Variants in GRM7 observed in about 807,000 individuals in gnomAD.
GRM7 encodes the protein metabotropic glutamate receptor 7.
In GRM7, 35 loss-of-function variants were observed where a neutral mutation model predicts 84.5. That is an observed-to-expected ratio of 0.41 (90% CI 0.32 to 0.55). GRM7 has a LOEUF of 0.55. Among genes scored for constraint, GRM7 ranks in the 20% least tolerant of loss-of-function variants. The pLI, the probability that GRM7 is intolerant of heterozygous loss-of-function variation, is 0.19. For synonymous variants in GRM7, 487 were observed against 455.1 expected, an observed-to-expected ratio of 1.07 and a Z score of -0.89; for missense variants, 1,003 against 1,194.6, an observed-to-expected ratio of 0.84 and a Z score of 2.36.
At chr3:7,352,057 C>CCACACACACACACACACACACA (rs56873432) in intron 4 of GRM7, among the ~76,000 whole-genome samples, 2 of 136,894 alleles carry the variant, frequency 1.5e-5, no homozygotes, top group Non-Finnish European at 3.1e-5. Context: ...CACACACACA[C>CCACACACACACACACACACACA]CACACACACA....
rs115113884 is a variant in GRM7 at position 7,229,459 on chromosome 3, C to G, written c.737-69225C>G. Among the ~76,000 whole-genome samples, 1,395 of 151,780 alleles carry G rather than the reference C, an allele frequency of 9.2e-3. 14 individuals are homozygous for G. Among genetic ancestry groups the G allele is most frequent in the African/African-American group, 0.032 (1,339 of 41,396 alleles). On this transcript the variant is annotated intron_variant, in intron 2 of 9. Transcript: ENST00000357716. ...ACCTAGAAGTAGCAGAAGGGGACCT[C>G]AAACCCAAGAACCCAAGCGCTTTAT...
At chr3:7,729,478 C>G (rs904973268) in intron 9 of GRM7, among the ~76,000 whole-genome samples, 1 of 152,172 alleles carries the variant, frequency 6.6e-6, no homozygotes, top group African/African-American at 2.4e-5. Context: ...ACGCTTTTTA[C>G]AGGCATTTGT....
chr3:7,169,755 T>C (rs1694922042), intron 2 of GRM7, among the ~76,000 whole-genome samples: 1 of 152,120 alleles, frequency 6.6e-6, no homozygotes, highest in South Asian at 2.1e-4. Context: ...TTTTGATAAA[T>C]AGGAGATAAA....
At chr3:7,605,421 GAAT>G (rs1365431121) in intron 8 of GRM7, among the ~76,000 whole-genome samples, 1 of 152,072 alleles carries the variant, frequency 6.6e-6, no homozygotes, top group Non-Finnish European at 1.5e-5. Flanking sequence ...ATGTCTTTTA[GAAT>G]AATGATTAAG....
chr3:7,586,850 T>C (rs1461845650), intron 8 of GRM7, among the ~76,000 whole-genome samples: 3 of 152,208 alleles, frequency 2.0e-5, no homozygotes, highest in Admixed American at 2.0e-4. Context: ...GCAGCATGGA[T>C]AAATCTCAAA....
chr3:7,055,559 C>T (rs970928319), intron 1 of GRM7, among the ~76,000 whole-genome samples: 6 of 151,074 alleles, frequency 4.0e-5, no homozygotes, highest in African/African-American at 1.2e-4. Flanking sequence ...CTCACTCTGT[C>T]ACCCAGGCTG....
chr3:6,905,689 A>T (rs1023767963), intron 1 of GRM7, among the ~76,000 whole-genome samples: 11 of 152,178 alleles, frequency 7.2e-5, no homozygotes, highest in African/African-American at 2.2e-4. Flanking sequence ...TAAGATTTTT[A>T]AAAATATTAG....
At chr3:7,396,679 G>C (rs1249494074) in intron 4 of GRM7, among the ~76,000 whole-genome samples, 1 of 152,006 alleles carries the variant, frequency 6.6e-6, no homozygotes, top group African/African-American at 2.4e-5. Context: ...TGGGTAGCTG[G>C]GAGTATAAAA....
intron 4 of GRM7, among the ~76,000 whole-genome samples, chr3:7,313,347 A>G (rs1013970981): frequency 2.6e-5 from 4 of 152,176 alleles, no homozygotes; most frequent in Non-Finnish European, 5.9e-5. Flanking sequence ...TAGAAAAAGC[A>G]AAAAGCCTAG....
chr3:6,924,985 G>A (rs1414858916), intron 1 of GRM7, among the ~76,000 whole-genome samples: 1 of 152,132 alleles, frequency 6.6e-6, no homozygotes, highest in Non-Finnish European at 1.5e-5. Context: ...AGTTACATAC[G>A]AAGTCTATAC....
chr3:7,325,654 GC>G (rs1700955179), intron 4 of GRM7, among the ~76,000 whole-genome samples: 1 of 152,156 alleles, frequency 6.6e-6, no homozygotes, highest in African/African-American at 2.4e-5. Flanking sequence ...CACAACCAGT[GC>G]CACATAAATC....
chr3:7,352,057 C>A (rs374451904), intron 4 of GRM7, among the ~76,000 whole-genome samples: 5 of 136,964 alleles, frequency 3.7e-5, no homozygotes, highest in Admixed American at 1.5e-4. Flanking sequence ...CACACACACA[C>A]CACACACACA....
chr3:7,366,371 C>T (rs974208599), intron 4 of GRM7, among the ~76,000 whole-genome samples: 4 of 151,906 alleles, frequency 2.6e-5, no homozygotes, highest in African/African-American at 9.7e-5. Context: ...GTCATCGACA[C>T]TTTCCAGGTT....
Position 7,740,319 on chromosome 3 carries a change from T to C in GRM7, c.2699-38T>C, listed in dbSNP as rs556335037. ...TCTATTTCTACCTTTGCAAACAGGGTTATTACTGCAACTGACACTTTCTAA... is the reference window on the plus strand; with the variant it reads ...TCTATTTCTACCTTTGCAAACAGGGCTATTACTGCAACTGACACTTTCTAA... On this transcript the variant is annotated intron_variant, in intron 9 of 9. Transcript: ENST00000357716. 4.5e-6 allele frequency: 6 copies of C among 1,343,578 alleles called. No individual in the cohort carries two copies. The East Asian group carries it at 1.5e-4, about 33-fold the overall frequency. The allele number at this position is 1,343,578 out of a possible 1,614,324, so 83.2% of individuals were successfully genotyped here. A position where few individuals can be genotyped will look rare whatever the true frequency, so the allele number is the denominator to read the frequency against.
chr3:7,643,085 G>A (rs570669774), intron 8 of GRM7, among the ~76,000 whole-genome samples: 27 of 152,172 alleles, frequency 1.8e-4, no homozygotes, highest in Non-Finnish European at 2.9e-4. Context: ...ATCACATCAC[G>A]TGCTGGGTGA....
chr3:7,715,810 T>C (rs1243914405), intron 9 of GRM7, among the ~76,000 whole-genome samples: 1 of 151,900 alleles, frequency 6.6e-6, no homozygotes, highest in African/African-American at 2.4e-5. Flanking sequence ...AACATAAAGG[T>C]TTCCAATTCA....
intron 1 of GRM7, among the ~76,000 whole-genome samples, chr3:6,951,829 T>A (rs184418656): frequency 9.2e-5 from 14 of 152,334 alleles, no homozygotes; most frequent in Non-Finnish European, 1.9e-4. Context: ...CACTTTTCTA[T>A]CTACTTATTC....
chr3:7,518,491 G>A (rs1480843231), intron 7 of GRM7, among the ~76,000 whole-genome samples: 1 of 152,164 alleles, frequency 6.6e-6, no homozygotes, highest in Non-Finnish European at 1.5e-5. Flanking sequence ...CTAGGAAAAG[G>A]TTTCATATCA....
chr3:7,585,214 C>T (rs1023654886), intron 8 of GRM7, among the ~76,000 whole-genome samples: 2 of 152,142 alleles, frequency 1.3e-5, no homozygotes, highest in Non-Finnish European at 1.5e-5. Flanking sequence ...TGTCTGTTCA[C>T]GTTCCCATCA....
Sources: gnomAD v4.1 joint callset for allele counts (sites outside exome capture counted in the v4.1 genomes callset) on GRCh38, gnomAD v4.1.1 for gene constraint, MANE v1.5 for transcripts, NCBI Gene and HGNC (gene_info 2026-07-23, HGNC 2026-07-21) for gene names.